Variants in ATF2 observed in about 807,000 individuals in gnomAD.
The protein encoded by ATF2 is activating transcription factor 2, also known as cyclic AMP-dependent transcription factor ATF-2.
ATF2 carries 24 observed loss-of-function variants against 60.6 expected under a neutral mutation model. The observed-to-expected ratio is 0.40, with a 90% CI of 0.29 to 0.56. The LOEUF (loss-of-function observed/expected upper bound fraction) is 0.56. ATF2 is among the 20% of genes least tolerant of loss of function. The pLI is 0.54. For synonymous variants in ATF2, 206 were observed against 215.4 expected, an observed-to-expected ratio of 0.96 and a Z score of 0.38; for missense variants, 433 against 607.7, an observed-to-expected ratio of 0.71 and a Z score of 3.02.
intron 2 of ATF2, 78 bp downstream of exon 2, chr2:175,150,982 T>C (rs1339496387): frequency 1.3e-5 from 2 of 152,576 alleles, no homozygotes; most frequent in African/African-American, 4.8e-5. Flanking sequence ...TGGAAACATC[T>C]ACTAAATTCG....
chr2:175,096,900 G>C lies in ATF2; in HGVS notation c.978+544C>G, dbSNP rs546174760. ...ATTTTCCTATAACATCAATACTTTG[G>C]TTACATAGGAGAACAGTTCAAATCA... On this transcript the variant is annotated intron_variant, in intron 11 of 13. Coordinates refer to ENST00000264110, the MANE Select transcript of ATF2 (RefSeq NM_001880.4). Among the ~76,000 whole-genome samples, 8 of 152,146 alleles carry C rather than the reference G, an allele frequency of 5.3e-5. No homozygotes were observed. The South Asian group carries it at 1.5e-3, about 28-fold the overall frequency.
intron 12 of ATF2, among the ~76,000 whole-genome samples, chr2:175,082,734 A>C (rs935083407): frequency 1.3e-5 from 2 of 152,198 alleles, no homozygotes; most frequent in Admixed American, 6.5e-5. Flanking sequence ...ATTAGTTTGA[A>C]CCATATGAAA....
Position 175,163,918 on chromosome 2 carries a change from C to CA in ATF2, c.-143+4131dup, listed in dbSNP as rs1176905315. Among the ~76,000 whole-genome samples, 29 of 30,318 alleles carry CA rather than the reference C, an allele frequency of 9.6e-4. 5 individuals are homozygous for CA. The highest frequency in any genetic ancestry group is 1.5e-3 in the African/African-American group (13 of 8,426). 19.9% of individuals were successfully genotyped at this position (30,318 alleles called of 152,430 possible). A position where few individuals can be genotyped will look rare whatever the true frequency, so the allele number is the denominator to read the frequency against. ...CCTGGGTGACATAGCAACTCCGTCTCAAAAAAAAAAAAAAGAAAAGTGAAA... is the reference window on the plus strand; with the variant it reads ...CCTGGGTGACATAGCAACTCCGTCTCAAAAAAAAAAAAAAAGAAAAGTGAAA... On this transcript the variant is annotated intron_variant, in intron 1 of 13. Transcript: ENST00000264110.
Position 175,090,010 on chromosome 2 carries a change from A to G in ATF2, c.1185+3051T>C, listed in dbSNP as rs149338528. On this transcript the variant is annotated intron_variant, in intron 12 of 13. Coordinates refer to ENST00000264110, the MANE Select transcript of ATF2 (RefSeq NM_001880.4). The stretch of plus-strand genomic sequence containing the variant: ...ATAATGCTTAATTTAGATGTAACTG[A>G]CCTTTTTTCGTAATTTACCAAGGTG... Among the ~76,000 whole-genome samples, 439 of 152,274 alleles carry G rather than the reference A, an allele frequency of 2.9e-3. 3 individuals carry two copies. The highest frequency in any genetic ancestry group is 9.4e-3 in the African/African-American group (390 of 41,574).
intron 7 of ATF2, among the ~76,000 whole-genome samples, chr2:175,115,226 GA>G (rs1456672676): frequency 2.0e-5 from 3 of 151,968 alleles, no homozygotes; most frequent in Non-Finnish European, 4.4e-5. Flanking sequence ...ATCCAGAAGG[GA>G]CTGTTTAGTC....
At chr2:175,148,846 C>T (rs1446462690) in intron 2 of ATF2, among the ~76,000 whole-genome samples, 1 of 152,102 alleles carries the variant, frequency 6.6e-6, no homozygotes, top group African/African-American at 2.4e-5. Context: ...GAACACAGCA[C>T]CCCACCCCCC....
intron 2 of ATF2, among the ~76,000 whole-genome samples, chr2:175,141,026 A>T (rs57757161): frequency 0.071 from 6,230 of 87,362 alleles, 301 homozygotes; most frequent in Middle Eastern, 0.092. Context: ...AAAAAAAAAA[A>T]AAAAATATAT....
chr2:175,127,242 A>G (rs1473124634), intron 4 of ATF2: 5 of 143,398 alleles, frequency 3.5e-5, no homozygotes, highest in East Asian at 2.0e-4. Flanking sequence ...CTGTCTCGAG[A>G]AAAAAAAAAA....
intron 12 of ATF2, among the ~76,000 whole-genome samples, chr2:175,087,466 A>T (rs1013934224): frequency 9.9e-5 from 15 of 152,176 alleles, no homozygotes; most frequent in Admixed American, 1.3e-4. Flanking sequence ...TTTTTCTTAC[A>T]TTGTCTATGT....
intron 3 of ATF2, among the ~76,000 whole-genome samples, chr2:175,133,443 A>G (rs1300448138): frequency 6.6e-6 from 1 of 152,224 alleles, no homozygotes; most frequent in Non-Finnish European, 1.5e-5. Flanking sequence ...TAGCAAGAGT[A>G]CTTGACTCAA....
intron 4 of ATF2, chr2:175,126,884 T>G (rs932738518): frequency 3.9e-5 from 6 of 152,026 alleles, no homozygotes; most frequent in Non-Finnish European, 8.8e-5. Context: ...GCCAGCAAAA[T>G]GGATGATTTG....
At chr2:175,167,008 A>G (rs1279725621) in intron 1 of ATF2, among the ~76,000 whole-genome samples, 3 of 152,242 alleles carry the variant, frequency 2.0e-5, no homozygotes, top group Non-Finnish European at 1.5e-5. Flanking sequence ...GAATTTTAAG[A>G]GAAACATTTC....
At chr2:175,159,408 A>G (rs1699883273) in intron 1 of ATF2, among the ~76,000 whole-genome samples, 1 of 152,188 alleles carries the variant, frequency 6.6e-6, no homozygotes, top group African/African-American at 2.4e-5. Context: ...TAGTTCATCA[A>G]TTTAGGTAAC....
chr2:175,076,782 ATTT>A (rs934909461), intron 13 of ATF2, among the ~76,000 whole-genome samples: 1 of 151,004 alleles, frequency 6.6e-6, no homozygotes, highest in South Asian at 2.1e-4. Flanking sequence ...GATTTTTAAA[ATTT>A]TTTTATTTTT....
chr2:175,076,721 TATTTG>T (rs1348645433), intron 13 of ATF2, among the ~76,000 whole-genome samples: 3 of 151,960 alleles, frequency 2.0e-5, no homozygotes, highest in Non-Finnish European at 4.4e-5. Flanking sequence ...TAAAAAGCTC[TATTTG>T]TTTTGTTTCA....
At chr2:175,163,814 T>G (rs1160992846) in intron 1 of ATF2, among the ~76,000 whole-genome samples, 1 of 147,234 alleles carries the variant, frequency 6.8e-6, no homozygotes, top group Admixed American at 7.1e-5. Context: ...TCCCAGCTAC[T>G]CAGGAGGCTG....
chr2:175,098,408 G>A (rs1695088166), intron 10 of ATF2, among the ~76,000 whole-genome samples: 1 of 152,184 alleles, frequency 6.6e-6, no homozygotes, highest in South Asian at 2.1e-4. Context: ...TAACTGAGAT[G>A]TAGTTCTTGG....
rs763419744 is a variant in ATF2 at position 175,136,475 on chromosome 2, A to T, written c.-32T>A. 6.3e-7 allele frequency: 1 copy of T among 1,582,078 alleles called. No homozygotes were observed. The highest frequency in any genetic ancestry group is 1.1e-5 in the South Asian group (1 of 88,092). Reference sequence around the variant, plus strand: ...AATAACTTATCACATTCTTTTTCTCATGGCAAGAATACTGAAAAACAAAGT... The same window carrying T: ...AATAACTTATCACATTCTTTTTCTCTTGGCAAGAATACTGAAAAACAAAGT... On this transcript the variant is annotated 5_prime_UTR_variant, in exon 3 of 14. An upstream start codon of the reference 5' UTR is lost. Transcript: ENST00000264110.
chr2:175,166,291 C>T (rs1700345347), intron 1 of ATF2, among the ~76,000 whole-genome samples: 1 of 152,152 alleles, frequency 6.6e-6, no homozygotes, highest in Admixed American at 6.5e-5. Context: ...CAAGATTAAA[C>T]GTCTTAGGAA....
Sources: allele counts gnomAD v4.1 joint callset (sites outside exome capture counted in the v4.1 genomes callset), GRCh38; gene constraint gnomAD v4.1.1; transcripts MANE v1.5; gene names NCBI Gene and HGNC (gene_info 2026-07-23, HGNC 2026-07-21).